Variants in IPO8 observed in about 807,000 individuals in gnomAD.
The protein encoded by IPO8 is importin-8.
Under a neutral mutation model 141.2 loss-of-function variants are expected in IPO8, and 65 were observed. The ratio of observed to expected loss-of-function variants is 0.46; its 90% CI spans 0.38 to 0.57. The LOEUF (loss-of-function observed/expected upper bound fraction) is 0.57. Ranked by LOEUF, IPO8 falls within the 20% of genes least tolerant of loss-of-function variation. IPO8 has a pLI of 0.00. For synonymous variants in IPO8, 411 were observed against 420.3 expected (o/e 0.98, Z 0.27); for missense variants, 980 against 1,246.8 (o/e 0.79, Z 3.22).
intron 5 of IPO8, 129 bp from the exon 6 acceptor site, chr12:30,676,716 G>A (rs996612269): frequency 1.3e-6 from 1 of 783,752 alleles, no homozygotes; most frequent in Non-Finnish European, 2.1e-6. Flanking sequence ...AATCTTGTAT[G>A]GTTCAACCTA....
chr12:30,662,667 C>T, intron 14 of IPO8, 180 bp from the exon 15 acceptor site: 1 of 623,504 alleles, frequency 1.6e-6, no homozygotes, highest in Non-Finnish European at 2.9e-6. Context: ...ATATCAGTTT[C>T]CCAAGAGTAA....
At chr12:30,644,560 G>C (rs1211195986) in intron 20 of IPO8, among the ~76,000 whole-genome samples, 4 of 151,760 alleles carry the variant, frequency 2.6e-5, no homozygotes, top group Non-Finnish European at 5.9e-5. Context: ...CAGTTCACCA[G>C]AGATGGCCAA....
rs2053013202 is a variant in IPO8 at position 30,669,252 on chromosome 12, T to C, written c.1075A>G (p.Met359Val). Reference protein sequence around the residue: ...NISEDVIFSVMCYKDEDEELW... With the variant: ...NISEDVIFSVVCYKDEDEELW... ...TCTTCATCCTCATCTTTATAACACATCACAGAAAAAATCACATCTTCAGAG... is the reference window on the plus strand; with the variant it reads ...TCTTCATCCTCATCTTTATAACACACCACAGAAAAAATCACATCTTCAGAG... Residue 359 changes from methionine to valine, a missense_variant, in exon 10 of 25, where the codon ATG becomes GTG. Transcript: ENST00000256079. 3 of 1,560,474 alleles carry C rather than the reference T, an allele frequency of 1.9e-6. No homozygotes were observed. Among genetic ancestry groups the C allele is most frequent in the Admixed American group, 1.7e-5 (1 of 57,810 alleles).
intron 13 of IPO8, 21 bp from the exon 14 acceptor site, chr12:30,663,675 A>C (rs754349356): frequency 1.3e-6 from 2 of 1,573,000 alleles, no homozygotes; most frequent in African/African-American, 2.7e-5. Flanking sequence ...AAAAAAGGTA[A>C]GTAGGGAGCT....
chr12:30,654,025 T>C lies in IPO8; in HGVS notation c.1949-933A>G, dbSNP rs1332915492. On this transcript the variant is annotated intron_variant, in intron 17 of 24. Coordinates refer to ENST00000256079, the MANE Select transcript of IPO8 (RefSeq NM_006390.4). ...CAGACACACAGACCAATGGAACCGA[T>C]TACAAAGCCCAAAAGTAAATCTACC... Among the ~76,000 whole-genome samples, 4 of 151,974 alleles carry C rather than the reference T, an allele frequency of 2.6e-5. No homozygotes were observed. In the East Asian group the frequency reaches 7.7e-4, roughly 29 times the overall value.
In IPO8 at chr12:30,630,864, T is replaced by C. The variant is rs761992598; in HGVS notation, c.3110A>G (p.Asn1037Ser). ...GGTCAGCTGATGTTCTTTCCTTCAGTTGTTGCTGGGCACAGTCCCAAAATT... is the reference window on the plus strand; with the variant it reads ...GGTCAGCTGATGTTCTTTCCTTCAGCTGTTGCTGGGCACAGTCCCAAAATT... ...AFNFGTVPSN[N>S] The change falls in exon 25 of 25, where the codon AAC (asparagine) becomes AGC (serine). Residue 1037 changes from asparagine to serine, a missense_variant. This residue lies in a region of IPO8 where 924 missense variants were observed against 1,153.9 expected (regional missense o/e 0.80). Coordinates refer to ENST00000256079, the MANE Select transcript of IPO8 (RefSeq NM_006390.4). The C allele has an allele frequency of 5.0e-6, 8 of 1,611,106 alleles. No individual in the cohort carries two copies. The Admixed American group carries it at 1.0e-4, about 20-fold the overall frequency.
intron 20 of IPO8, among the ~76,000 whole-genome samples, chr12:30,643,561 G>T (rs2052601797): frequency 6.6e-6 from 1 of 152,222 alleles, no homozygotes; most frequent in South Asian, 2.1e-4. Flanking sequence ...CTAGTGGGAA[G>T]TGTTTGAGTC....
At chr12:30,682,190 A>C (rs185719780) in intron 3 of IPO8, among the ~76,000 whole-genome samples, 1 of 152,202 alleles carries the variant, frequency 6.6e-6, no homozygotes, top group East Asian at 1.9e-4. Context: ...GGGGGAAAAA[A>C]TAACACTTCA....
chr12:30,690,346 AG>A, intron 2 of IPO8, 149 bp downstream of exon 2: 1 of 570,946 alleles, frequency 1.8e-6, no homozygotes, highest in Admixed American at 4.0e-5. Context: ...CTGGGGAAAA[AG>A]AAAGTGAGTT....
At position 30,630,415 on chromosome 12, in the gene IPO8, G is replaced by A. The variant is rs981175051; in HGVS notation, c.*445C>T. The stretch of plus-strand genomic sequence containing the variant: ...TAGTTGACATATAACCAAGGTTTAT[G>A]TTGTATCTAGAAATATGTTTTATGC... On this transcript the variant is annotated 3_prime_UTR_variant, in exon 25 of 25. Transcript: ENST00000256079. The A allele has an allele frequency of 6.5e-6, 1 of 154,854 alleles. No homozygotes were observed. The highest frequency in any genetic ancestry group is 1.4e-5 in the Non-Finnish European group (1 of 70,038). The allele number at this position is 154,854 out of a possible 1,614,324, so 9.6% of individuals were successfully genotyped here. A position where few individuals can be genotyped will look rare whatever the true frequency, so the allele number is the denominator to read the frequency against.
intron 17 of IPO8, among the ~76,000 whole-genome samples, chr12:30,655,340 AT>A (rs1465937954): frequency 2.0e-5 from 3 of 152,242 alleles, no homozygotes; most frequent in Middle Eastern, 3.4e-3. Context: ...AAAAATATTT[AT>A]TTTTTAATTG....
intron 20 of IPO8, among the ~76,000 whole-genome samples, chr12:30,643,175 A>G (rs989087052): frequency 4.6e-5 from 7 of 152,212 alleles, no homozygotes; most frequent in African/African-American, 1.4e-4. Flanking sequence ...CACCATCAGC[A>G]ACACTAACAT....
chr12:30,633,852 C>T (rs1565491709), intron 23 of IPO8, among the ~76,000 whole-genome samples: 1 of 152,198 alleles, frequency 6.6e-6, no homozygotes, highest in Non-Finnish European at 1.5e-5. Flanking sequence ...CATACAGGCT[C>T]ACCCTGCTAC....
chr12:30,694,994 TA>T, intron 1 of IPO8: 1 of 456,062 alleles, frequency 2.2e-6, no homozygotes, highest in Non-Finnish European at 4.4e-6. Context: ...GTGTCTTAGA[TA>T]AAGCAGTATC....
intron 4 of IPO8, 81 bp downstream of exon 4, chr12:30,681,578 C>A: frequency 7.6e-7 from 1 of 1,321,824 alleles, no homozygotes; most frequent in Non-Finnish European, 1.1e-6. Context: ...TGCAGAACAT[C>A]CACAACAGAC....
At position 30,634,267 on chromosome 12, in the gene IPO8, T is replaced by A. The variant is rs2052473118; in HGVS notation, c.2715A>T (p.Glu905Asp). Reference sequence around the variant, plus strand: ...CTTGAGCAGTTACATTTGTCTCCTCTTCATCACTTGAAATCTCCTCTGTGA... The same window carrying A: ...CTTGAGCAGTTACATTTGTCTCCTCATCATCACTTGAAATCTCCTCTGTGA... The part of the protein sequence containing the change: ...MEENEEISSD[E>D]EETNVTAQAM... Residue 905 changes from glutamate (E) to aspartate (D), a missense_variant, in exon 23 of 25, where the codon GAA (glutamate) becomes GAT (aspartate). Physicochemically the swap from Glu to Asp is conservative, Grantham distance 45 (BLOSUM62 2). Transcript: ENST00000256079. 6.2e-7 allele frequency: 1 copy of A among 1,613,580 alleles called. No homozygotes were observed. Among genetic ancestry groups the A allele is most frequent in the Non-Finnish European group, 8.5e-7 (1 of 1,179,608 alleles).
intron 16 of IPO8, among the ~76,000 whole-genome samples, chr12:30,657,689 A>T (rs996277951): frequency 6.6e-6 from 1 of 152,244 alleles, no homozygotes; most frequent in African/African-American, 2.4e-5. Context: ...TGGTGAAATA[A>T]ATTTGACACA....
chr12:30,643,111 T>C (rs1591824041), intron 20 of IPO8, among the ~76,000 whole-genome samples: 1 of 152,182 alleles, frequency 6.6e-6, no homozygotes, highest in East Asian at 1.9e-4. Context: ...AGAAAACATT[T>C]CTCTTTACAG....
At chr12:30,644,657 T>G (rs1197716039) in intron 20 of IPO8, among the ~76,000 whole-genome samples, 61 of 145,610 alleles carry the variant, frequency 4.2e-4, no homozygotes, top group Non-Finnish European at 6.7e-4. Flanking sequence ...TTTTTTGTTT[T>G]TTTTTTTTTT....
Sources: allele counts gnomAD v4.1 joint callset (sites outside exome capture counted in the v4.1 genomes callset), GRCh38; gene constraint gnomAD v4.1.1; regional missense constraint gnomAD v4.1.1; transcripts MANE v1.5; gene names NCBI Gene and HGNC (gene_info 2026-07-23, HGNC 2026-07-21).